The following NPAS3 variants were observed in gnomAD, a reference collection of about 807,000 sequenced individuals.
NPAS3 encodes the protein neuronal PAS domain-containing protein 3.
NPAS3 carries 14 observed loss-of-function variants against 73.1 expected under a neutral mutation model. The ratio of observed to expected loss-of-function variants is 0.19; its 90% CI spans 0.13 to 0.30. NPAS3 has a LOEUF of 0.30. Ranked by LOEUF, NPAS3 falls within the 10% of genes least tolerant of loss-of-function variation. The probability of loss-of-function intolerance (pLI) is 1.00; values close to 1 mark genes in which losing one functional copy is unlikely to be tolerated. For missense variants in NPAS3, 1,096 were observed against 1,250.0 expected, an observed-to-expected ratio of 0.88 and a Z score of 1.86; for synonymous variants, 620 against 541.5, an observed-to-expected ratio of 1.14 and a Z score of -2.01.
intron 2 of NPAS3, among the ~76,000 whole-genome samples, chr14:33,109,311 G>A (rs1209260052): frequency 6.6e-6 from 1 of 152,106 alleles, no homozygotes; most frequent in Non-Finnish European, 1.5e-5. Context: ...TGTAAAATGG[G>A]GGTGATACTA....
chr14:33,139,964 A>C (rs2043985096), intron 2 of NPAS3, among the ~76,000 whole-genome samples: 1 of 151,304 alleles, frequency 6.6e-6, no homozygotes, highest in Non-Finnish European at 1.5e-5. Flanking sequence ...CAAGAGAAAG[A>C]GTTGCTGAAT....
At chr14:33,577,384 G>A (rs770786386) in intron 5 of NPAS3, among the ~76,000 whole-genome samples, 3 of 151,996 alleles carry the variant, frequency 2.0e-5, no homozygotes, top group Admixed American at 6.6e-5. Flanking sequence ...TATTTTTCAC[G>A]TTTGTTTTAT....
Position 33,544,788 on chromosome 14 carries a change from T to G in NPAS3, c.469-15333T>G, listed in dbSNP as rs1220223921. On this transcript the variant is annotated intron_variant, in intron 4 of 11. Coordinates refer to ENST00000356141, the Ensembl canonical transcript of NPAS3. ...GCATGTATGTGTTTATGTGTGTGTA[T>G]TATATATATATATATATATATATGT... Among the ~76,000 whole-genome samples the G allele has an allele frequency of 1.2e-3, 79 of 63,210 alleles. No individual in the cohort carries two copies. In the Middle Eastern group the frequency reaches 0.025, roughly 20 times the overall value. 41.5% of individuals were successfully genotyped at this position (63,210 alleles called of 152,430 possible).
chr14:33,684,978 T>C (rs2060048008), intron 6 of NPAS3, among the ~76,000 whole-genome samples: 1 of 152,250 alleles, frequency 6.6e-6, no homozygotes, highest in Non-Finnish European at 1.5e-5. Context: ...GCCCATCTTC[T>C]ATTAGTAGAA....
chr14:33,338,539 C>G (rs1225753091), intron 3 of NPAS3, among the ~76,000 whole-genome samples: 1 of 152,126 alleles, frequency 6.6e-6, no homozygotes, highest in Non-Finnish European at 1.5e-5. Flanking sequence ...GCATATTGGC[C>G]TGAAAGTCAG....
chr14:33,720,057 T>C (rs997255844), intron 6 of NPAS3, among the ~76,000 whole-genome samples: 3 of 152,158 alleles, frequency 2.0e-5, no homozygotes, highest in Admixed American at 1.3e-4. Context: ...CCAAAGAAGA[T>C]AGTCATTACA....
At chr14:33,063,840 G>C (rs2041190066) in intron 2 of NPAS3, among the ~76,000 whole-genome samples, 1 of 152,148 alleles carries the variant, frequency 6.6e-6, no homozygotes, top group Admixed American at 6.5e-5. Flanking sequence ...GTACTACCTT[G>C]TTGCTCATCT....
At chr14:33,275,370 A>C (rs1243747907) in intron 3 of NPAS3, among the ~76,000 whole-genome samples, 1 of 152,242 alleles carries the variant, frequency 6.6e-6, no homozygotes, top group Non-Finnish European at 1.5e-5. Context: ...AACTGGAGTC[A>C]TAATATTAAT....
At chr14:33,382,475 T>A (rs1404151783) in intron 4 of NPAS3, among the ~76,000 whole-genome samples, 1 of 152,164 alleles carries the variant, frequency 6.6e-6, no homozygotes, top group Non-Finnish European at 1.5e-5. Context: ...ATTTATGAGA[T>A]TATTCATTTT....
chr14:33,744,329 GGAGA>G (rs1319345241), intron 7 of NPAS3, among the ~76,000 whole-genome samples: 5 of 152,062 alleles, frequency 3.3e-5, no homozygotes, highest in Admixed American at 6.6e-5. Flanking sequence ...CTGAGGAGAG[GGAGA>G]GAGACTGGGG....
At chr14:33,460,594 T>C (rs1015782256) in intron 4 of NPAS3, among the ~76,000 whole-genome samples, 6 of 152,216 alleles carry the variant, frequency 3.9e-5, no homozygotes, top group Admixed American at 2.0e-4. Context: ...AAGCTCATGA[T>C]GATTTTATTG....
intron 3 of NPAS3, among the ~76,000 whole-genome samples, chr14:33,349,005 C>A (rs2044887949): frequency 6.6e-6 from 1 of 152,150 alleles, no homozygotes; most frequent in African/African-American, 2.4e-5. Flanking sequence ...CCCTTCCAAC[C>A]ACGAGTGGGC....
At chr14:33,388,828 C>A (rs2046882061) in intron 4 of NPAS3, among the ~76,000 whole-genome samples, 1 of 152,136 alleles carries the variant, frequency 6.6e-6, no homozygotes, top group Non-Finnish European at 1.5e-5. Flanking sequence ...GGTTAAGAGA[C>A]TTTCCATTGT....
At chr14:33,111,787 A>G (rs899314811) in intron 2 of NPAS3, among the ~76,000 whole-genome samples, 1 of 150,990 alleles carries the variant, frequency 6.6e-6, no homozygotes, top group Non-Finnish European at 1.5e-5. Flanking sequence ...CATTAGGTAT[A>G]TCTCCTAATG....
chr14:33,041,563 A>T (rs894479793), intron 1 of NPAS3, among the ~76,000 whole-genome samples: 1 of 152,152 alleles, frequency 6.6e-6, no homozygotes, highest in African/African-American at 2.4e-5. Flanking sequence ...GGTACCTGTG[A>T]CCATATATTA....
At chr14:33,710,065 A>G (rs1223366090) in intron 6 of NPAS3, among the ~76,000 whole-genome samples, 2 of 150,142 alleles carry the variant, frequency 1.3e-5, no homozygotes, top group Non-Finnish European at 2.9e-5. Context: ...TGTGATTTCT[A>G]TTTGCACTCA....
At chr14:33,376,962 C>T (rs1042150631) in intron 4 of NPAS3, among the ~76,000 whole-genome samples, 27 of 152,146 alleles carry the variant, frequency 1.8e-4, no homozygotes, top group Non-Finnish European at 2.6e-4. Flanking sequence ...GAATAATGTG[C>T]GAGTTTTTAA....
chr14:33,437,553 C>A (rs1236824183), intron 4 of NPAS3, among the ~76,000 whole-genome samples: 1 of 151,638 alleles, frequency 6.6e-6, no homozygotes, highest in Non-Finnish European at 1.5e-5. Context: ...AATCTTCCCA[C>A]AAGATTGATA....
intron 4 of NPAS3, among the ~76,000 whole-genome samples, chr14:33,466,448 A>G (rs985066781): frequency 2.0e-5 from 3 of 152,238 alleles, no homozygotes; most frequent in African/African-American, 2.4e-5. Context: ...TACTATCAGC[A>G]TTAGATCACC....
Sources: gnomAD v4.1 joint callset for allele counts (sites outside exome capture counted in the v4.1 genomes callset) on GRCh38, gnomAD v4.1.1 for gene constraint, MANE v1.5 for transcripts, NCBI Gene and HGNC (gene_info 2026-07-23, HGNC 2026-07-21) for gene names.